The following INTS3 variants were observed in gnomAD, a reference collection of about 807,000 sequenced individuals.
INTS3 encodes SOSS complex subunit A.
A neutral mutation model predicts 146.3 loss-of-function variants in INTS3; 34 were observed. The observed-to-expected ratio is 0.23, with a 90% CI of 0.18 to 0.31. The LOEUF is 0.31. Ranked by LOEUF, INTS3 falls within the 10% of genes least tolerant of loss-of-function variation. The pLI is 1.00. For missense variants in INTS3, 757 were observed against 1,304.2 expected (o/e 0.58, Z 6.46); for synonymous variants, 475 against 494.9 (o/e 0.96, Z 0.53).
intron 12 of INTS3, 197 bp from the exon 13 acceptor site, chr1:153,760,630 G>A (rs1672349806): frequency 1.4e-5 from 9 of 627,504 alleles, no homozygotes; most frequent in Middle Eastern, 4.3e-4. Flanking sequence ...GTAGAATCTG[G>A]TTTCCTTGGG....
intron 6 of INTS3, 125 bp from the exon 7 acceptor site, chr1:153,750,970 C>T: frequency 1.1e-6 from 1 of 939,190 alleles, no homozygotes; most frequent in Non-Finnish European, 1.6e-6. Context: ...AAAATCAAAG[C>T]ATCTACTCCC....
intron 23 of INTS3, 130 bp from the exon 24 acceptor site, chr1:153,770,061 GTGTGTGT>G (rs1558010066): frequency 2.7e-3 from 42 of 15,514 alleles, no homozygotes; most frequent in African/African-American, 0.016. Context: ...GGATTGGGGT[GTGTGTGT>G]GTGTGTGTGT....
At chr1:153,730,754 A>G (rs975897466) in intron 1 of INTS3, among the ~76,000 whole-genome samples, 1 of 152,100 alleles carries the variant, frequency 6.6e-6, no homozygotes, top group Admixed American at 6.6e-5. Flanking sequence ...TCTGATCTCC[A>G]TAATGTGGAT....
chr1:153,729,428 C>G (rs976722142), intron 1 of INTS3, among the ~76,000 whole-genome samples: 1 of 152,138 alleles, frequency 6.6e-6, no homozygotes, highest in African/African-American at 2.4e-5. Context: ...GAAGGTGGAG[C>G]GAAGAAATGG....
chr1:153,732,095 G>A (rs1402631011), intron 1 of INTS3, among the ~76,000 whole-genome samples: 1 of 151,522 alleles, frequency 6.6e-6, no homozygotes, highest in East Asian at 1.9e-4. Flanking sequence ...GTAGAGATGG[G>A]TTTCACCATG....
intron 3 of INTS3, 152 bp from the exon 4 acceptor site, chr1:153,746,805 A>G (rs1671763356): frequency 1.7e-6 from 1 of 597,256 alleles, no homozygotes; most frequent in Admixed American, 3.0e-5. Flanking sequence ...CTGTGGAAAG[A>G]AAGTGTCCAG....
At chr1:153,754,590 C>A in intron 8 of INTS3, 52 bp from the exon 9 acceptor site, 1 of 1,280,014 alleles carries the variant, frequency 7.8e-7, no homozygotes, top group Non-Finnish European at 1.1e-6. Context: ...GCCTTTCATT[C>A]TTTCTGGTCC....
At chr1:153,748,881 G>C in intron 6 of INTS3, 126 bp downstream of exon 6, 4 of 767,482 alleles carry the variant, frequency 5.2e-6, no homozygotes, top group Non-Finnish European at 9.3e-6. Context: ...GGGAGGCAAG[G>C]AGAGGGAGAG....
At chr1:153,745,434 C>T (rs1336979229) in intron 3 of INTS3, among the ~76,000 whole-genome samples, 1 of 151,812 alleles carries the variant, frequency 6.6e-6, no homozygotes, top group Non-Finnish European at 1.5e-5. Flanking sequence ...GCTGGGATTA[C>T]AAGCATGAGC....
Position 153,772,391 on chromosome 1 carries a change from G to C in INTS3, c.2772G>C (p.Leu924=), listed in dbSNP as rs1333216072. The C allele has an allele frequency of 1.9e-6, 3 of 1,614,080 alleles. No individual in the cohort carries two copies. Among genetic ancestry groups the C allele is most frequent in the Non-Finnish European group, 2.5e-6 (3 of 1,180,014 alleles). Residue 924 remains leucine (L), a synonymous_variant, in exon 27 of 30, where the codon CTG becomes CTC. Transcript: ENST00000318967. The surrounding 1 kb of genome is among the most constrained non-coding windows in gnomAD (Gnocchi z 4.6). The stretch of plus-strand genomic sequence containing the variant: ...CCCAGCTGACTCTGGAGCAGATCCT[G>C]GAGCACTTGGACAATCTGCGGCTCA... ...KLAQLTLEQI[L]EHLDNLRLNL...
chr1:153,757,466 A>C lies in INTS3; in HGVS notation c.958-106A>C. On this transcript the variant is annotated intron_variant, in intron 9 of 29. Transcript: ENST00000318967. This position sits in a 1 kb window ranked among gnomAD's most constrained non-coding sequence, Gnocchi z 4.0. ...ATGAGCTAATGAATGAATTGTGGAG[A>C]AATAGAGGTCTAGGGCAAACCTAGA... The C allele has an allele frequency of 1.2e-6, 1 of 858,948 alleles. No homozygotes were observed. Among genetic ancestry groups the C allele is most frequent in the South Asian group, 1.7e-5 (1 of 58,862 alleles). 53.2% of individuals were successfully genotyped at this position (858,948 alleles called of 1,614,324 possible).
intron 1 of INTS3, among the ~76,000 whole-genome samples, chr1:153,738,893 CTTTT>C (rs59978263): frequency 3.0e-5 from 4 of 135,052 alleles, no homozygotes; most frequent in Admixed American, 7.4e-5. Flanking sequence ...TATTAAGTGT[CTTTT>C]TTTTTTTTTT....
At position 153,770,278 on chromosome 1, in the gene INTS3, A is replaced by G. The variant is rs1259843396; in HGVS notation, c.2470A>G (p.Ile824Val). Residue 824 changes from isoleucine (I) to valine (V), a missense_variant, in exon 24 of 30, where the codon ATA becomes GTA. Around this residue, in one of 8 missense-constraint regions of INTS3, gnomAD observed 116 missense variants for 226.5 expected, o/e 0.51. Coordinates refer to ENST00000318967, the MANE Select transcript of INTS3 (RefSeq NM_023015.5). ...FLAHNIPLET[I>V]IPILQHLKYK... ...GGCCCACAATATTCCCCTGGAGACC[A>G]TAATCCCCATCCTGCAGCACCTCAA... is the stretch of plus-strand genomic sequence containing the variant. The G allele has an allele frequency of 6.8e-6, 11 of 1,612,952 alleles. No homozygotes were observed. Among genetic ancestry groups the G allele is most frequent in the Non-Finnish European group, 9.3e-6 (11 of 1,179,058 alleles).
At chr1:153,744,033 A>ATGCGTG (rs1553237111) in intron 3 of INTS3, among the ~76,000 whole-genome samples, 1 of 102,282 alleles carries the variant, frequency 9.8e-6, no homozygotes, top group African/African-American at 3.9e-5. Context: ...GAGGGTGTGC[A>ATGCGTG]TGTGCGTGTG....
At chr1:153,743,366 T>C (rs1386365116) in intron 3 of INTS3, among the ~76,000 whole-genome samples, 1 of 152,210 alleles carries the variant, frequency 6.6e-6, no homozygotes, top group Non-Finnish European at 1.5e-5. Context: ...GTGGATATGG[T>C]GGAGAAGTGT....
intron 25 of INTS3, among the ~76,000 whole-genome samples, chr1:153,771,591 C>T (rs895707762): frequency 3.9e-5 from 6 of 152,124 alleles, no homozygotes; most frequent in Non-Finnish European, 8.8e-5. Flanking sequence ...CTTCTCCTAC[C>T]ACAGCAAGTG....
At position 153,752,412 on chromosome 1, in the gene INTS3, A is replaced by G. The variant is rs1671991982; in HGVS notation, c.859+4A>G. ...GCCTTGAGTCCTCAGTTCACAGGTA[A>G]GTAGGGTCTTAGGCATCCTGTCCTT... On this transcript the variant is annotated splice_donor_region_variant and intron_variant, in intron 8 of 29. Coordinates refer to ENST00000318967, the MANE Select transcript of INTS3 (RefSeq NM_023015.5). 2 of 1,606,816 alleles carry G rather than the reference A, an allele frequency of 1.2e-6. No individual in the cohort carries two copies. Among genetic ancestry groups the G allele is most frequent in the East Asian group, 2.3e-5 (1 of 44,378 alleles).
At chr1:153,731,607 G>A (rs768519351) in intron 1 of INTS3, among the ~76,000 whole-genome samples, 1 of 138,394 alleles carries the variant, frequency 7.2e-6, no homozygotes, top group Non-Finnish European at 1.5e-5. Flanking sequence ...TTTTGAGATG[G>A]AGTCTCACTC....
At chr1:153,731,742 C>T (rs1671069748) in intron 1 of INTS3, among the ~76,000 whole-genome samples, 3 of 147,748 alleles carry the variant, frequency 2.0e-5, no homozygotes, top group Middle Eastern at 3.7e-3. Context: ...CCTGCCACCA[C>T]GCCCGGCTAA....
Sources: allele counts gnomAD v4.1 joint callset (sites outside exome capture counted in the v4.1 genomes callset), GRCh38; gene constraint gnomAD v4.1.1; regional missense constraint gnomAD v4.1.1; non-coding constraint Gnocchi (gnomAD v3.1); transcripts MANE v1.5; gene names NCBI Gene and HGNC (gene_info 2026-07-23, HGNC 2026-07-21).